The following GLIS3 variants were observed in gnomAD, a reference collection of about 807,000 sequenced individuals.
GLIS3 encodes the protein zinc finger protein GLIS3.
In GLIS3, 53 loss-of-function variants were observed where a neutral mutation model predicts 78.6. The observed-to-expected ratio is 0.67, with a 90% CI of 0.54 to 0.85. The LOEUF is 0.85. Among genes scored for constraint, GLIS3 ranks in the 40% least tolerant of loss-of-function variants. The pLI is 0.00. For missense variants in GLIS3, 1,703 were observed against 1,231.1 expected, an observed-to-expected ratio of 1.38 and a Z score of -5.74; for synonymous variants, 684 against 509.9, an observed-to-expected ratio of 1.34 and a Z score of -4.60.
intron 4 of GLIS3, among the ~76,000 whole-genome samples, chr9:3,947,223 A>T (rs1238676506): frequency 6.6e-6 from 1 of 152,230 alleles, no homozygotes; most frequent in Non-Finnish European, 1.5e-5. Context: ...CAAAGATGAG[A>T]ATTGCCACTT....
chr9:4,217,206 C>T (rs1470941720), intron 2 of GLIS3, among the ~76,000 whole-genome samples: 2 of 152,170 alleles, frequency 1.3e-5, no homozygotes, highest in East Asian at 1.9e-4. Context: ...CCAAAGAGGA[C>T]TTTCATGCTT....
the GLIS3 span, among the ~76,000 whole-genome samples, chr9:4,368,174 T>C: frequency 6.6e-6 from 1 of 152,186 alleles, no homozygotes; most frequent in Non-Finnish European, 1.5e-5. Context: ...TTTTTATCCT[T>C]ACGTTTTAAA....
At chr9:4,163,041 G>C (rs1835620095) in intron 2 of GLIS3, among the ~76,000 whole-genome samples, 1 of 152,152 alleles carries the variant, frequency 6.6e-6, no homozygotes, top group South Asian at 2.1e-4. Context: ...AGGGGAAGTA[G>C]CAACAATGCC....
At chr9:4,095,477 G>C (rs77800172) in intron 4 of GLIS3, among the ~76,000 whole-genome samples, 1 of 152,166 alleles carries the variant, frequency 6.6e-6, no homozygotes, top group African/African-American at 2.4e-5. Context: ...GACTAGATTG[G>C]GAGGGTTGCA....
intron 2 of GLIS3, among the ~76,000 whole-genome samples, chr9:4,245,453 T>C (rs1823719691): frequency 6.6e-6 from 1 of 152,218 alleles, no homozygotes; most frequent in East Asian, 1.9e-4. Flanking sequence ...ACCATAACAC[T>C]AGACCTACTT....
chr9:4,301,766 C>G (rs1016822099), upstream of GLIS3, among the ~76,000 whole-genome samples: 1 of 152,052 alleles, frequency 6.6e-6, no homozygotes, highest in South Asian at 2.1e-4. Flanking sequence ...AACAGCTTAG[C>G]TGGAAGAGAA....
chr9:4,402,752 G>A, the GLIS3 span, among the ~76,000 whole-genome samples: 11 of 152,254 alleles, frequency 7.2e-5, no homozygotes, highest in Admixed American at 6.5e-4. Context: ...TGAGCTTGAA[G>A]ACAGGCTATT....
the GLIS3 span, among the ~76,000 whole-genome samples, chr9:4,384,370 A>G: frequency 6.6e-6 from 1 of 152,248 alleles, no homozygotes; most frequent in Non-Finnish European, 1.5e-5. Context: ...AGAAATTCCA[A>G]ATGAAGATAA....
At chr9:3,857,231 A>C (rs556023758) in intron 8 of GLIS3, among the ~76,000 whole-genome samples, 6 of 152,358 alleles carry the variant, frequency 3.9e-5, no homozygotes, top group African/African-American at 1.4e-4. Context: ...GAAAACTTTT[A>C]ATCAGCTGTT....
rs909081473 is a variant in GLIS3 at position 4,213,255 on chromosome 9, T to C, written c.388+72783A>G. On this transcript the variant is annotated intron_variant, in intron 2 of 10. Transcript: ENST00000381971. ...AGCCTGTCGAAACCCTATGCATCTT[T>C]GTCTCAGTTTAGAAGTCCTCCAGGA... 5.3e-5 allele frequency among the ~76,000 whole-genome samples: 8 copies of C among 152,316 alleles called. No individual in the cohort carries two copies. The South Asian group carries it at 1.2e-3, about 24-fold the overall frequency.
chr9:4,265,299 C>G (rs1316419656), intron 2 of GLIS3, among the ~76,000 whole-genome samples: 2 of 151,932 alleles, frequency 1.3e-5, no homozygotes, highest in African/African-American at 2.4e-5. Context: ...AACATAGTAG[C>G]ATTTCTCATG....
In GLIS3 at chr9:3,967,027, A is replaced by C. The variant is rs867792611; in HGVS notation, c.1711-29838T>G. ...TTCTTTCTGCAAAAAAAAAAAAAAA[A>C]AAAAAACAAAAAAACATTTTGAGGA... On this transcript the variant is annotated intron_variant, in intron 4 of 10. Transcript: ENST00000381971. Among the ~76,000 whole-genome samples, 16 of 141,720 alleles carry C rather than the reference A, an allele frequency of 1.1e-4. No individual in the cohort carries two copies. In the South Asian group the frequency reaches 1.5e-3, roughly 13 times the overall value. The allele number at this position is 141,720 out of a possible 152,430, so 93.0% of individuals were successfully genotyped here. A position where few individuals can be genotyped will look rare whatever the true frequency, so the allele number is the denominator to read the frequency against.
chr9:4,400,552 A>C, the GLIS3 span, among the ~76,000 whole-genome samples: 19 of 152,250 alleles, frequency 1.2e-4, no homozygotes, highest in African/African-American at 4.3e-4. Context: ...CAAAAGTTGT[A>C]AAAGACTAAA....
intron 4 of GLIS3, among the ~76,000 whole-genome samples, chr9:4,081,037 G>A (rs1355893607): frequency 6.6e-6 from 1 of 152,164 alleles, no homozygotes; most frequent in African/African-American, 2.4e-5. Flanking sequence ...TGCCTGGCTT[G>A]TCCTTGATTA....
At chr9:4,116,150 G>A (rs534655538) in intron 4 of GLIS3, among the ~76,000 whole-genome samples, 1 of 152,170 alleles carries the variant, frequency 6.6e-6, no homozygotes, top group Non-Finnish European at 1.5e-5. Flanking sequence ...ATATTTTTCT[G>A]GATAATTCGA....
At chr9:4,281,858 G>A (rs1827584902) in intron 2 of GLIS3, among the ~76,000 whole-genome samples, 2 of 152,092 alleles carry the variant, frequency 1.3e-5, no homozygotes, top group South Asian at 4.2e-4. Context: ...GGTGTCCAAA[G>A]GATATCACAT....
chr9:4,111,377 G>C (rs935923545), intron 4 of GLIS3, among the ~76,000 whole-genome samples: 1 of 152,096 alleles, frequency 6.6e-6, no homozygotes. Flanking sequence ...CATAAACCAC[G>C]ATTAGCTTTG....
At chr9:4,426,053 T>C in the GLIS3 span, among the ~76,000 whole-genome samples, 3,416 of 152,248 alleles carry the variant, frequency 0.022, 123 homozygotes, top group African/African-American at 0.078. Context: ...GTTCATGCAA[T>C]GCAAAACTTG....
At chr9:4,064,972 C>T (rs1312148133) in intron 4 of GLIS3, among the ~76,000 whole-genome samples, 1 of 152,092 alleles carries the variant, frequency 6.6e-6, no homozygotes, top group Non-Finnish European at 1.5e-5. Context: ...CCTCCAGGGG[C>T]AGGGCAAACA....
Sources: gnomAD v4.1 joint callset for allele counts (sites outside exome capture counted in the v4.1 genomes callset) on GRCh38, gnomAD v4.1.1 for gene constraint, MANE v1.5 for transcripts, NCBI Gene and HGNC (gene_info 2026-07-23, HGNC 2026-07-21) for gene names.